The following FER variants were observed in gnomAD, a reference collection of about 807,000 sequenced individuals.
FER encodes tyrosine-protein kinase Fer.
In FER, 63 loss-of-function variants were observed where a neutral mutation model predicts 111.0. That is an observed-to-expected ratio of 0.57 (90% CI 0.46 to 0.70). The LOEUF is 0.70. Among genes scored for constraint, FER ranks in the 30% least tolerant of loss-of-function variants. The probability of loss-of-function intolerance (pLI) is 0.00; values close to 1 mark genes in which losing one functional copy is unlikely to be tolerated. For synonymous variants in FER, 327 were observed against 313.9 expected (o/e 1.04, Z -0.44); for missense variants, 914 against 954.0 (o/e 0.96, Z 0.55).
chr5:108,825,884 A>C (rs571745737), intron 3 of FER, among the ~76,000 whole-genome samples: 1 of 152,302 alleles, frequency 6.6e-6, no homozygotes, highest in South Asian at 2.1e-4. Flanking sequence ...TGTCTATTGT[A>C]GACAGTCATA....
At chr5:108,922,439 A>G (rs945082304) in intron 10 of FER, among the ~76,000 whole-genome samples, 2 of 152,170 alleles carry the variant, frequency 1.3e-5, no homozygotes, top group African/African-American at 4.8e-5. Context: ...AGAAACACCA[A>G]AATTAGCTTC....
At chr5:109,119,794 T>A (rs1228632375) in intron 17 of FER, among the ~76,000 whole-genome samples, 1 of 152,076 alleles carries the variant, frequency 6.6e-6, no homozygotes. Context: ...TGATTGCCTG[T>A]CTTTTAGATA....
At chr5:109,021,402 T>C (rs72790542) in intron 13 of FER, among the ~76,000 whole-genome samples, 16,853 of 152,080 alleles carry the variant, frequency 0.11, 1,034 homozygotes, top group Non-Finnish European at 0.14. Flanking sequence ...AAGGGTATAC[T>C]TAACATAATT....
At chr5:108,837,993 T>C (rs1302183687) in intron 5 of FER, among the ~76,000 whole-genome samples, 1 of 152,208 alleles carries the variant, frequency 6.6e-6, no homozygotes, top group Non-Finnish European at 1.5e-5. Context: ...GAATATATAG[T>C]TACTTTTAAA....
At chr5:108,943,173 A>G (rs145028912) in intron 10 of FER, among the ~76,000 whole-genome samples, 2 of 152,224 alleles carry the variant, frequency 1.3e-5, no homozygotes, top group East Asian at 1.9e-4. Context: ...TGCTCCAAGG[A>G]AAGTACTCAT....
chr5:108,798,069 T>TG lies in FER; in HGVS notation c.-59-54dup, dbSNP rs1554066828. On this transcript the variant is annotated intron_variant, in intron 2 of 19. Transcript: ENST00000281092. ...GAATCTATCATAACTTTTTTTTTTT[T>TG]GAAGACTAATTTCCTTTTTATTTAA... is the stretch of plus-strand genomic sequence containing the variant. The TG allele has an allele frequency of 5.1e-5, 35 of 689,574 alleles. No individual in the cohort carries two copies. In the South Asian group the frequency reaches 8.2e-4, roughly 16 times the overall value. The allele number at this position is 689,574 out of a possible 1,614,324, so 42.7% of individuals were successfully genotyped here.
intron 17 of FER, among the ~76,000 whole-genome samples, chr5:109,107,775 T>C (rs919714745): frequency 1.3e-5 from 2 of 152,148 alleles, no homozygotes; most frequent in Non-Finnish European, 2.9e-5. Flanking sequence ...TAATGCTTTT[T>C]AACGTGTTGC....
chr5:109,175,741 C>T (rs1188119064), intron 17 of FER, among the ~76,000 whole-genome samples: 1 of 152,188 alleles, frequency 6.6e-6, no homozygotes, highest in Non-Finnish European at 1.5e-5. Context: ...GAAACTCAAA[C>T]AGCTCAACAC....
intron 10 of FER, among the ~76,000 whole-genome samples, chr5:108,930,950 C>CTATCAGTG (rs1754584217): frequency 6.6e-6 from 1 of 152,034 alleles, no homozygotes; most frequent in Admixed American, 6.6e-5. Flanking sequence ...TGTTGCTCCC[C>CTATCAGTG]TATCAGTGTA....
intron 2 of FER, among the ~76,000 whole-genome samples, chr5:108,778,728 T>C (rs944001842): frequency 6.6e-5 from 10 of 152,218 alleles, no homozygotes; most frequent in African/African-American, 2.4e-4. Flanking sequence ...TTTTCAGAAA[T>C]ATCTGTTATA....
intron 9 of FER, among the ~76,000 whole-genome samples, chr5:108,886,445 CAT>C (rs1561563499): frequency 1.3e-5 from 2 of 148,740 alleles, no homozygotes; most frequent in African/African-American, 4.9e-5. Flanking sequence ...CATACATAAA[CAT>C]ATATGTAACA....
intron 16 of FER, among the ~76,000 whole-genome samples, chr5:109,085,441 G>C (rs1374061543): frequency 6.8e-6 from 1 of 147,760 alleles, no homozygotes; most frequent in African/African-American, 2.5e-5. Context: ...TCACTGTTCT[G>C]CCAAATCTGG....
chr5:109,069,015 T>TG (rs751647856), intron 16 of FER, among the ~76,000 whole-genome samples: 2 of 151,628 alleles, frequency 1.3e-5, no homozygotes, highest in Non-Finnish European at 2.9e-5. Context: ...AAAATTAATC[T>TG]GGGGGCCTTC....
intron 17 of FER, among the ~76,000 whole-genome samples, chr5:109,176,436 C>T (rs991392155): frequency 2.6e-5 from 4 of 151,886 alleles, no homozygotes; most frequent in South Asian, 4.2e-4. Flanking sequence ...AAATCGAGCT[C>T]ATGAAGGAAG....
chr5:109,031,491 T>TA (rs999116073), intron 13 of FER, among the ~76,000 whole-genome samples: 10 of 151,694 alleles, frequency 6.6e-5, no homozygotes, highest in Admixed American at 1.3e-4. Flanking sequence ...CTCACATTTT[T>TA]AAAAAAAAAT....
chr5:109,081,765 T>C (rs1180827642), intron 16 of FER, among the ~76,000 whole-genome samples: 1 of 152,018 alleles, frequency 6.6e-6, no homozygotes, highest in Non-Finnish European at 1.5e-5. Flanking sequence ...CAAGAACTTT[T>C]TCTTTGTTTT....
At chr5:108,794,838 A>G (rs78273014) in intron 2 of FER, among the ~76,000 whole-genome samples, 3,258 of 151,886 alleles carry the variant, frequency 0.021, 111 homozygotes, top group African/African-American at 0.075. Context: ...GACCTTTGGG[A>G]GTTTGATTAT....
intron 10 of FER, among the ~76,000 whole-genome samples, chr5:108,937,390 C>T (rs1331729700): frequency 2.0e-5 from 3 of 151,940 alleles, no homozygotes; most frequent in African/African-American, 7.2e-5. Flanking sequence ...AAATAGAAGT[C>T]ACACGGATGT....
At chr5:108,809,770 C>G (rs890305702) in intron 3 of FER, among the ~76,000 whole-genome samples, 4 of 152,100 alleles carry the variant, frequency 2.6e-5, no homozygotes, top group African/African-American at 7.2e-5. Context: ...ACCATATTGC[C>G]CAGGCTGTTC....
Sources: allele counts gnomAD v4.1 joint callset (sites outside exome capture counted in the v4.1 genomes callset), GRCh38; gene constraint gnomAD v4.1.1; transcripts MANE v1.5; gene names NCBI Gene and HGNC (gene_info 2026-07-23, HGNC 2026-07-21).